DNAH12: variants seen among roughly 807,000 people sequenced by gnomAD.
DNAH12 encodes axonemal beta dynein heavy chain 12.
In DNAH12, 285 loss-of-function variants were observed where a neutral mutation model predicts 371.5. That is an observed-to-expected ratio of 0.77 (90% CI 0.70 to 0.85). DNAH12 has a LOEUF of 0.85. Ranked by LOEUF, DNAH12 falls within the 40% of genes least tolerant of loss-of-function variation. The probability of loss-of-function intolerance (pLI) is 0.00; values close to 1 mark genes in which losing one functional copy is unlikely to be tolerated. For missense variants in DNAH12, 3,611 were observed against 3,689.4 expected, an observed-to-expected ratio of 0.98 and a Z score of 0.55; for synonymous variants, 1,200 against 1,213.0, an observed-to-expected ratio of 0.99 and a Z score of 0.22.
intron 50 of DNAH12, among the ~76,000 whole-genome samples, chr3:57,381,864 C>CAT (rs1297816936): frequency 0.025 from 2,751 of 110,868 alleles, 34 homozygotes; most frequent in South Asian, 0.061. Context: ...CAACTAGAAC[C>CAT]ATATATATAT....
chr3:57,301,782 G>T lies in DNAH12; in HGVS notation c.11347C>A (p.Leu3783Met), dbSNP rs1479791043. Residue 3783 changes from leucine (L) to methionine (M), a missense_variant, in exon 70 of 74, where the codon CTG becomes ATG. By Grantham distance (15) the Leu-to-Met change is conservative. Coordinates refer to ENST00000495027, the MANE Select transcript of DNAH12 (RefSeq NM_001366028.2). Reference protein sequence around the residue: ...AKRSYPSLKPLGSYITDFLAR... With the variant: ...AKRSYPSLKPMGSYITDFLAR... Reference sequence around the variant, plus strand: ...AGGAAATCTGTGATGTAACTTCCCAGGGGCTTAAGGCTTGGGTATGAACGT... The same window carrying T: ...AGGAAATCTGTGATGTAACTTCCCATGGGCTTAAGGCTTGGGTATGAACGT... The T allele has an allele frequency of 6.4e-7, 1 of 1,551,420 alleles. No homozygotes were observed. The highest frequency in any genetic ancestry group is 2.0e-5 in the Admixed American group (1 of 50,964).
chr3:57,428,894 T>C, intron 33 of DNAH12, 73 bp from the exon 34 acceptor site: 1 of 1,377,420 alleles, frequency 7.3e-7, no homozygotes, highest in African/African-American at 1.5e-5. Context: ...AACTATTTCT[T>C]AAGATGACTT....
chr3:57,358,066 T>C (rs1379219098), intron 58 of DNAH12, among the ~76,000 whole-genome samples: 1 of 152,224 alleles, frequency 6.6e-6, no homozygotes, highest in African/African-American at 2.4e-5. Context: ...CTTCTTTCTT[T>C]GGTAATGCTA....
chr3:57,433,065 G>A (rs1336581046), intron 32 of DNAH12, among the ~76,000 whole-genome samples: 1 of 151,272 alleles, frequency 6.6e-6, no homozygotes, highest in African/African-American at 2.4e-5. Context: ...AAATACTGAA[G>A]TTCTATAAGA....
Position 57,352,195 on chromosome 3 carries a change from T to G in DNAH12, c.9564A>C (p.Leu3188=), listed in dbSNP as rs2062692821. The G allele has an allele frequency of 1.4e-5, 22 of 1,536,920 alleles. No individual in the cohort carries two copies. Among genetic ancestry groups the G allele is most frequent in the Non-Finnish European group, 1.9e-5 (22 of 1,143,642 alleles). The change falls in exon 60 of 74, where the codon CTA becomes CTC. Residue 3188 remains leucine, a synonymous_variant. Coordinates refer to ENST00000495027, the MANE Select transcript of DNAH12 (RefSeq NM_001366028.2). ...SNKSKILEKR[L]RYLNDHFTYN... is the part of the protein sequence containing the mutation. ...ATGTGAAGTGGTCATTTAAATATCG[T>G]AGGCGCTTTTCCAAAATCTTGGATT...
chr3:57,430,580 TTC>T (rs2064926282), intron 32 of DNAH12, among the ~76,000 whole-genome samples: 1 of 152,190 alleles, frequency 6.6e-6, no homozygotes, highest in Non-Finnish European at 1.5e-5. Flanking sequence ...TCCCTCAAAT[TTC>T]TGTCTTGTCT....
chr3:57,351,142 G>A (rs1289051634), intron 60 of DNAH12, among the ~76,000 whole-genome samples: 3 of 151,890 alleles, frequency 2.0e-5, no homozygotes, highest in African/African-American at 7.3e-5. Flanking sequence ...GGTGGTGCAC[G>A]CCTGTAGTCC....
At chr3:57,327,416 C>G (rs935478780) in intron 62 of DNAH12, among the ~76,000 whole-genome samples, 1 of 151,978 alleles carries the variant, frequency 6.6e-6, no homozygotes, top group Non-Finnish European at 1.5e-5. Context: ...CACTCAAAAC[C>G]GCTCAACTAC....
intron 17 of DNAH12, among the ~76,000 whole-genome samples, chr3:57,463,771 CTTTA>C (rs1170524470): frequency 2.6e-5 from 4 of 151,940 alleles, no homozygotes; most frequent in African/African-American, 7.3e-5. Context: ...AGGACATACT[CTTTA>C]TTTATTTATT....
Position 57,310,766 on chromosome 3 carries a change from T to C in DNAH12, c.10847A>G (p.Tyr3616Cys), listed in dbSNP as rs780703054. ...ATAAGTGCCTTTAGGAGGTGCAAAA[T>C]AGTTTCCACTGGGAGAAAACTTATA... ...PHYKFSPSGN[Y>C]FAPPKGTYED... The change falls in exon 67 of 74, where the codon TAT becomes TGT. Residue 3616 changes from tyrosine to cysteine, a missense_variant. Coordinates refer to ENST00000495027, the MANE Select transcript of DNAH12 (RefSeq NM_001366028.2). 1.9e-6 allele frequency: 3 copies of C among 1,551,534 alleles called. No homozygotes were observed. The highest frequency in any genetic ancestry group is 3.9e-5 in the Admixed American group (2 of 50,988).
chr3:57,445,368 C>T lies in DNAH12; in HGVS notation c.4231G>A (p.Glu1411Lys), dbSNP rs1396540826. Reference sequence around the variant, plus strand: ...AATCCGTAAGAGTAGAGGGAGATTTCTGCTATAAGCGCATAGTTTGGAACC... The same window carrying T: ...AATCCGTAAGAGTAGAGGGAGATTTTTGCTATAAGCGCATAGTTTGGAACC... ...MMVPNYALIA[E>K]ISLYSYGFLN... Residue 1411 changes from glutamate to lysine, a missense_variant, in exon 28 of 74, where the codon GAA becomes AAA. This residue lies in a region of DNAH12 where 2,266 missense variants were observed against 2,236.9 expected (regional missense o/e 1.01). Transcript: ENST00000495027. 4 of 1,550,826 alleles carry T rather than the reference C, an allele frequency of 2.6e-6. No homozygotes were observed. Among genetic ancestry groups the T allele is most frequent in the African/African-American group, 2.7e-5 (2 of 73,002 alleles).
At chr3:57,430,641 G>A (rs1345882256) in intron 32 of DNAH12, among the ~76,000 whole-genome samples, 3 of 151,928 alleles carry the variant, frequency 2.0e-5, no homozygotes, top group Non-Finnish European at 4.4e-5. Context: ...TGCAGCTATG[G>A]AATTATCATT....
At chr3:57,463,172 G>T (rs1289159828) in intron 17 of DNAH12, among the ~76,000 whole-genome samples, 1 of 152,006 alleles carries the variant, frequency 6.6e-6, no homozygotes, top group African/African-American at 2.4e-5. Flanking sequence ...ACTTTGGGAG[G>T]TTGGGGTGGG....
chr3:57,339,776 G>A (rs1553655483), intron 60 of DNAH12, among the ~76,000 whole-genome samples: 1 of 152,044 alleles, frequency 6.6e-6, no homozygotes, highest in African/African-American at 2.4e-5. Context: ...ATTAAAAAAA[G>A]AAGTTAAGAG....
chr3:57,507,959 C>T (rs772436053), intron 7 of DNAH12, 121 bp from the exon 8 acceptor site: 69 of 835,986 alleles, frequency 8.3e-5, no homozygotes, highest in Non-Finnish European at 1.2e-4. Flanking sequence ...GAGGCTGAGG[C>T]AGGCAGATCA....
intron 17 of DNAH12, among the ~76,000 whole-genome samples, chr3:57,465,349 G>T (rs1158107062): frequency 6.6e-6 from 1 of 152,010 alleles, no homozygotes; most frequent in Non-Finnish European, 1.5e-5. Context: ...AAATAAGAAA[G>T]AAATAATATC....
At chr3:57,470,318 T>G in intron 16 of DNAH12, 125 bp downstream of exon 16, 2 of 939,874 alleles carry the variant, frequency 2.1e-6, no homozygotes, top group Non-Finnish European at 3.1e-6. Flanking sequence ...ACATGGTACC[T>G]GGTTCTCTTT....
chr3:57,314,651 T>A lies in DNAH12; in HGVS notation c.10525-20A>T. ...CCAGGCCTTTAATATAAAAAGTACATAACAAGAAAAAAAATTCCGGTCAGA... is the reference window on the plus strand; with the variant it reads ...CCAGGCCTTTAATATAAAAAGTACAAAACAAGAAAAAAAATTCCGGTCAGA... On this transcript the variant is annotated intron_variant, in intron 65 of 73. Transcript: ENST00000495027. The A allele has an allele frequency of 2.0e-6, 3 of 1,508,618 alleles. No individual in the cohort carries two copies. The highest frequency in any genetic ancestry group is 2.6e-5 in the Admixed American group (1 of 38,234). 93.5% of individuals were successfully genotyped at this position (1,508,618 alleles called of 1,614,324 possible). A position where few individuals can be genotyped will look rare whatever the true frequency, so the allele number is the denominator to read the frequency against.
intron 37 of DNAH12, among the ~76,000 whole-genome samples, chr3:57,415,859 G>A (rs868059742): frequency 2.0e-5 from 3 of 149,806 alleles, no homozygotes; most frequent in Admixed American, 6.7e-5. Context: ...CGTGATCTTG[G>A]CTCACTGCAA....
Sources: gnomAD v4.1 joint callset for allele counts (sites outside exome capture counted in the v4.1 genomes callset) on GRCh38, gnomAD v4.1.1 for gene constraint, gnomAD v4.1.1 regional missense constraint, MANE v1.5 for transcripts, NCBI Gene and HGNC (gene_info 2026-07-23, HGNC 2026-07-21) for gene names.